Variants in RBM4B observed in about 807,000 individuals in gnomAD.
RBM4B encodes the protein RNA-binding protein 4B.
In RBM4B, 13 loss-of-function variants were observed where a neutral mutation model predicts 28.5. That is an observed-to-expected ratio of 0.46 (90% CI 0.30 to 0.72). The LOEUF (loss-of-function observed/expected upper bound fraction) is 0.72. RBM4B is among the 30% of genes least tolerant of loss of function. RBM4B has a pLI of 0.09. For missense variants in RBM4B, 387 were observed against 477.6 expected (o/e 0.81, Z 1.77); for synonymous variants, 167 against 179.1 (o/e 0.93, Z 0.54).
In RBM4B at chr11:66,677,132, T is replaced by G. The variant is rs576964214; in HGVS notation, c.-12-41A>C. 3 of 1,589,058 alleles carry G rather than the reference T, an allele frequency of 1.9e-6. No individual in the cohort carries two copies. In the South Asian group the frequency reaches 3.4e-5, roughly 18 times the overall value. On this transcript the variant is annotated intron_variant, in intron 1 of 3. Transcript: ENST00000310046. ...AAGACTTCAAAAGTCAGGGGTGTGG[T>G]GGGAAATTTCGGTGCACTGCAGCAT...
Position 66,668,898 on chromosome 11 carries a change from T to C in RBM4B, c.806A>G (p.Asp269Gly). 1 of 1,614,100 alleles carries C rather than the reference T, an allele frequency of 6.2e-7. No individual in the cohort carries two copies. Among genetic ancestry groups the C allele is most frequent in the Non-Finnish European group, 8.5e-7 (1 of 1,180,012 alleles). The change falls in exon 3 of 4, where the codon GAT (aspartate) becomes GGT (glycine). Residue 269 changes from aspartate (D) to glycine (G), a missense_variant. By Grantham distance (94) the Asp-to-Gly change is moderately conservative. Around this residue, in one of 2 missense-constraint regions of RBM4B, gnomAD observed 226 missense variants for 220.6 expected, o/e 1.02. Coordinates refer to ENST00000310046, the MANE Select transcript of RBM4B (RefSeq NM_031492.4). ...VTSHLNSTSV[D>G]PYDRHLLPNS... ...TGGCAATAGGTGTCTGTCATAGGGA[T>C]CAACAGAAGTAGAGTTGAGGTGGCT...
In RBM4B at chr11:66,669,259, G is replaced by A. The variant is rs1197761421; in HGVS notation, c.445C>T (p.Arg149Trp). The A allele has an allele frequency of 3.7e-6, 6 of 1,613,866 alleles. No individual in the cohort carries two copies. The highest frequency in any genetic ancestry group is 1.3e-5 in the African/African-American group (1 of 74,898). ...KRMHVQLSTS[R>W]LRTAPGMGDQ... Reference sequence around the variant, plus strand: ...CCCATACCAGGGGCAGTCCGAAGCCGGCTTGTGGACAACTGCACATGCATT... The same window carrying A: ...CCCATACCAGGGGCAGTCCGAAGCCAGCTTGTGGACAACTGCACATGCATT... Residue 149 changes from arginine to tryptophan, a missense_variant, in exon 3 of 4, where the codon CGG becomes TGG. Arg to Trp is a moderately radical substitution (Grantham distance 101). Coordinates refer to ENST00000310046, the MANE Select transcript of RBM4B (RefSeq NM_031492.4).
Position 66,665,523 on chromosome 11 carries a change from G to A in RBM4B, c.*65C>T, listed in dbSNP as rs764970265. The A allele has an allele frequency of 2.9e-5, 40 of 1,388,550 alleles. No homozygotes were observed. Among genetic ancestry groups the A allele is most frequent in the East Asian group, 5.0e-5 (2 of 40,248 alleles). The allele number at this position is 1,388,550 out of a possible 1,614,324, so 86.0% of individuals were successfully genotyped here. On this transcript the variant is annotated 3_prime_UTR_variant, in exon 4 of 4. Transcript: ENST00000310046. ...AACATCCCGGCAAAGGGGACCGCGC[G>A]GAGCAAGTTCTCATATATGACCGCA... is the stretch of plus-strand genomic sequence containing the variant.
At chr11:66,666,036 C>G in intron 3 of RBM4B, 1 of 1,317,374 alleles carries the variant, frequency 7.6e-7, no homozygotes, top group Non-Finnish European at 1.0e-6. Flanking sequence ...AACAAGCTTT[C>G]AGAAATGATG....
chr11:66,666,348 G>C, intron 3 of RBM4B: 1 of 1,011,348 alleles, frequency 9.9e-7, no homozygotes, highest in Non-Finnish European at 1.2e-6. Flanking sequence ...CAAAAGTTGT[G>C]ACGTTCTTGG....
At chr11:66,677,428 T>C (rs1939675616) in intron 1 of RBM4B, 3 of 329,268 alleles carry the variant, frequency 9.1e-6, no homozygotes, top group East Asian at 1.3e-4. Context: ...GCAGTGCGCC[T>C]GGTAACAAGG....
Position 66,665,232 on chromosome 11 carries a change from A to G in RBM4B, c.*356T>C. The G allele has an allele frequency of 3.4e-6, 1 of 296,046 alleles. No individual in the cohort carries two copies. The highest frequency in any genetic ancestry group is 6.4e-6 in the Non-Finnish European group (1 of 156,552). The allele number at this position is 296,046 out of a possible 1,614,324, so 18.3% of individuals were successfully genotyped here. On this transcript the variant is annotated 3_prime_UTR_variant, in exon 4 of 4. Coordinates refer to ENST00000310046, the MANE Select transcript of RBM4B (RefSeq NM_031492.4). ...CTGCTTGCCACTACATGGTCATTTTAAAGGGAAAGGAGATGCTGCAGGTAG... is the reference window on the plus strand; with the variant it reads ...CTGCTTGCCACTACATGGTCATTTTGAAGGGAAAGGAGATGCTGCAGGTAG...
chr11:66,668,577 T>A, intron 3 of RBM4B, 38 bp downstream of exon 3: 3 of 1,517,374 alleles, frequency 2.0e-6, no homozygotes, highest in Non-Finnish European at 2.7e-6. Context: ...TCAAGGGAAC[T>A]AAATGGAATC....
intron 2 of RBM4B, among the ~76,000 whole-genome samples, chr11:66,670,436 C>T (rs1322379422): frequency 2.6e-5 from 4 of 152,028 alleles, no homozygotes; most frequent in Non-Finnish European, 5.9e-5. Context: ...GCCTAGAGAC[C>T]TCTAGGAACC....
chr11:66,671,960 G>A (rs1347600465), intron 2 of RBM4B, among the ~76,000 whole-genome samples: 1 of 151,920 alleles, frequency 6.6e-6, no homozygotes, highest in South Asian at 2.1e-4. Flanking sequence ...TCTTGGCCAG[G>A]CTAGTCTTGA....
intron 2 of RBM4B, among the ~76,000 whole-genome samples, chr11:66,670,017 CACTG>C (rs1184003207): frequency 2.0e-5 from 3 of 152,238 alleles, no homozygotes; most frequent in Non-Finnish European, 2.9e-5. Flanking sequence ...GCCCATCTCT[CACTG>C]ACTGACTAAG....
rs766783379 is a variant in RBM4B, at chr11:66,668,864, G to C, written c.840C>G (p.Gly280=). Residue 280 remains glycine (G), a synonymous_variant, in exon 3 of 4, where the codon GGC becomes GGG. Transcript: ENST00000310046. ...CCATAGCAGCTGAAGTGGCAGCAGC[G>C]CCAGAGTTTGGCAATAGGTGTCTGT... ...PYDRHLLPNS[G]AAATSAAMAA... 5.6e-6 allele frequency: 9 copies of C among 1,614,054 alleles called. No individual in the cohort carries two copies. The African/African-American group carries it at 1.2e-4, about 22-fold the overall frequency.
chr11:66,677,654 A>G (rs1485437267), intron 1 of RBM4B, 110 bp downstream of exon 1: 1 of 152,722 alleles, frequency 6.5e-6, no homozygotes, highest in African/African-American at 2.4e-5. Context: ...GTCTTCCCAG[A>G]CCTCCCGCTG....
intron 2 of RBM4B, among the ~76,000 whole-genome samples, chr11:66,670,197 A>G (rs1011030596): frequency 6.6e-6 from 1 of 152,044 alleles, no homozygotes; most frequent in Non-Finnish European, 1.5e-5. Flanking sequence ...TGGGAGTTAT[A>G]AGACCTTTCA....
Position 66,668,983 on chromosome 11 carries a change from A to G in RBM4B, c.721T>C (p.Tyr241His). Residue 241 changes from tyrosine to histidine, a missense_variant, in exon 3 of 4, where the codon TAC becomes CAC. Tyr to His is a moderately conservative substitution (Grantham distance 83). Transcript: ENST00000310046. ...AVAAAAAASA[Y>H]NYAEQTMSHL... is the part of the protein sequence containing the mutation. The stretch of plus-strand genomic sequence containing the variant: ...GACATGGTCTGCTCTGCGTAGTTGT[A>G]TGCAGAAGCCGCTGCCGCCGCTGCT... 6.2e-7 allele frequency: 1 copy of G among 1,614,178 alleles called. No homozygotes were observed. Among genetic ancestry groups the G allele is most frequent in the Non-Finnish European group, 8.5e-7 (1 of 1,180,020 alleles).
chr11:66,669,572 G>C (rs1348021549), intron 2 of RBM4B, among the ~76,000 whole-genome samples: 2 of 151,936 alleles, frequency 1.3e-5, no homozygotes, highest in South Asian at 4.1e-4. Flanking sequence ...TCAGCCTCCC[G>C]AGTAGCTGGG....
Position 66,677,768 on chromosome 11 carries a change from G to A in RBM4B, c.-17C>T, listed in dbSNP as rs968707266. 2.0e-5 allele frequency: 3 copies of A among 152,578 alleles called. No homozygotes were observed. Among genetic ancestry groups the A allele is most frequent in the African/African-American group, 7.2e-5 (3 of 41,442 alleles). The allele number at this position is 152,578 out of a possible 1,614,324, so 9.5% of individuals were successfully genotyped here. ...ACACACACGACCCCCTCGCACCTCC[G>A]GGTGGCGGCAGCGACGGCGGCTCCC... On this transcript the variant is annotated 5_prime_UTR_variant, in exon 1 of 4. Coordinates refer to ENST00000310046, the MANE Select transcript of RBM4B (RefSeq NM_031492.4).
chr11:66,670,211 T>A (rs1939416613), intron 2 of RBM4B, among the ~76,000 whole-genome samples: 1 of 151,786 alleles, frequency 6.6e-6, no homozygotes, highest in East Asian at 1.9e-4. Context: ...CCTTTCAGAT[T>A]TCAGTTTAGC....
chr11:66,666,018 T>C, intron 3 of RBM4B: 2 of 1,407,208 alleles, frequency 1.4e-6, no homozygotes, highest in Non-Finnish European at 1.9e-6. Context: ...TTTTAATCTT[T>C]CACAGTAAAC....
Sources: allele counts gnomAD v4.1 joint callset (sites outside exome capture counted in the v4.1 genomes callset), GRCh38; gene constraint gnomAD v4.1.1; regional missense constraint gnomAD v4.1.1; transcripts MANE v1.5; gene names NCBI Gene and HGNC (gene_info 2026-07-23, HGNC 2026-07-21).